Variants in NCOR1 observed in about 807,000 individuals in gnomAD.
The protein encoded by NCOR1 is nuclear receptor corepressor 1, also known as protein phosphatase 1, regulatory subunit 109.
Under a neutral mutation model 288.1 loss-of-function variants are expected in NCOR1, and 63 were observed. The ratio of observed to expected loss-of-function variants is 0.22; its 90% CI spans 0.18 to 0.27. The LOEUF (loss-of-function observed/expected upper bound fraction) is 0.27, where lower values mean the gene tolerates loss of function less well. Ranked by LOEUF, NCOR1 falls within the 10% of genes least tolerant of loss-of-function variation. The probability of loss-of-function intolerance (pLI) is 1.00; values close to 1 mark genes in which losing one functional copy is unlikely to be tolerated. For missense variants in NCOR1, 2,397 were observed against 3,019.2 expected, an observed-to-expected ratio of 0.79 and a Z score of 4.83; for synonymous variants, 1,007 against 1,065.9, an observed-to-expected ratio of 0.94 and a Z score of 1.08.
chr17:16,176,552 A>G (rs1487900001), intron 3 of NCOR1, among the ~76,000 whole-genome samples: 1 of 150,568 alleles, frequency 6.6e-6, no homozygotes, highest in African/African-American at 2.5e-5. Context: ...TGCAGGTGTG[A>G]GCCACCACGC....
chr17:16,131,694 CA>C (rs1393546099), intron 14 of NCOR1, among the ~76,000 whole-genome samples: 1 of 152,148 alleles, frequency 6.6e-6, no homozygotes, highest in African/African-American at 2.4e-5. Context: ...CCTATCTTAT[CA>C]AAATTTATTA....
At chr17:16,143,846 T>A (rs1278582905) in intron 10 of NCOR1, 150 bp from the exon 11 acceptor site, 1 of 537,870 alleles carries the variant, frequency 1.9e-6, no homozygotes, top group Non-Finnish European at 3.3e-6. Context: ...TACTTTTAAG[T>A]AATATGCTGT....
intron 41 of NCOR1, among the ~76,000 whole-genome samples, chr17:16,048,460 T>C (rs1334217141): frequency 2.0e-5 from 3 of 152,054 alleles, no homozygotes; most frequent in East Asian, 1.9e-4. Context: ...ATTAATAGGG[T>C]TGGGGTCACG....
chr17:16,164,134 G>A (rs1324503267), intron 5 of NCOR1, among the ~76,000 whole-genome samples: 8 of 151,904 alleles, frequency 5.3e-5, no homozygotes, highest in African/African-American at 1.7e-4. Context: ...CCAGCTACTC[G>A]GGAGGCTGTT....
At chr17:16,038,156 A>C (rs1177632807) in intron 44 of NCOR1, among the ~76,000 whole-genome samples, 2 of 151,922 alleles carry the variant, frequency 1.3e-5, no homozygotes. Context: ...CAGGAAAATA[A>C]ATCTAAACTA....
At chr17:16,083,494 A>G (rs1277091697) in intron 23 of NCOR1, among the ~76,000 whole-genome samples, 1 of 152,092 alleles carries the variant, frequency 6.6e-6, no homozygotes, top group African/African-American at 2.4e-5. Context: ...AGATTAGAAG[A>G]TTCGATGTAA....
chr17:16,101,947 C>T (rs888592668), intron 19 of NCOR1, 190 bp from the exon 20 acceptor site: 56 of 689,898 alleles, frequency 8.1e-5, no homozygotes, highest in Non-Finnish European at 1.0e-4. Flanking sequence ...ATTGAGAAGG[C>T]TAAAGTTTCC....
chr17:16,096,034 C>A lies in NCOR1; in HGVS notation c.2820+2333G>T, dbSNP rs567192253. Among the ~76,000 whole-genome samples the A allele has an allele frequency of 2.7e-3, 415 of 152,174 alleles. 2 individuals are homozygous for A. The highest frequency in any genetic ancestry group is 9.5e-3 in the African/African-American group (393 of 41,514). Reference sequence around the variant, plus strand: ...GTTGATCTATGACCTTACCCCCAACCCTGTGCTCTCTGAAACATGTGCTGT... The same window carrying A: ...GTTGATCTATGACCTTACCCCCAACACTGTGCTCTCTGAAACATGTGCTGT... On this transcript the variant is annotated intron_variant, in intron 21 of 45. Transcript: ENST00000268712.
At chr17:16,093,892 C>A (rs553048609) in intron 21 of NCOR1, among the ~76,000 whole-genome samples, 19 of 151,992 alleles carry the variant, frequency 1.3e-4, no homozygotes, top group Non-Finnish European at 2.2e-4. Flanking sequence ...TTCATTTTAA[C>A]CTTTACGATA....
chr17:16,173,508 T>G lies in NCOR1; in HGVS notation c.243-1513A>C, dbSNP rs562739063. On this transcript the variant is annotated intron_variant, in intron 3 of 45. Coordinates refer to ENST00000268712, the MANE Select transcript of NCOR1 (RefSeq NM_006311.4). The stretch of plus-strand genomic sequence containing the variant: ...ATTCCATATGTGGCACCCTAAAGAA[T>G]TGGCAAAAAAAAAACTATTAGAGCT... Among the ~76,000 whole-genome samples the G allele has an allele frequency of 4.0e-5, 6 of 151,668 alleles. No homozygotes were observed. The South Asian group carries it at 1.0e-3, about 26-fold the overall frequency.
intron 14 of NCOR1, among the ~76,000 whole-genome samples, chr17:16,130,988 AT>A (rs773227977): frequency 0.033 from 4,062 of 121,746 alleles, 57 homozygotes; most frequent in East Asian, 0.085. Flanking sequence ...CGCACCTGGA[AT>A]TTTTTTTTTT....
At chr17:16,120,020 T>G (rs2072655663) in intron 16 of NCOR1, among the ~76,000 whole-genome samples, 1 of 152,160 alleles carries the variant, frequency 6.6e-6, no homozygotes, top group Non-Finnish European at 1.5e-5. Flanking sequence ...CCTGAGAACA[T>G]CAGGCCTGAT....
intron 22 of NCOR1, among the ~76,000 whole-genome samples, chr17:16,091,294 G>A (rs2065140658): frequency 6.6e-6 from 1 of 152,174 alleles, no homozygotes; most frequent in African/African-American, 2.4e-5. Context: ...AATACCGAAT[G>A]CTCCTTCCTT....
rs150048273 is a variant in NCOR1, at chr17:16,130,741, C to T, written c.1510-4535G>A. 2.4e-4 allele frequency among the ~76,000 whole-genome samples: 37 copies of T among 151,330 alleles called. 1 individual carries two copies. The South Asian group carries it at 2.7e-3, about 11-fold the overall frequency. ...CTATGTCACCCAGGCTGGAGTACAG[C>T]GGCGCAATCTTGGCTCACTGCAACC... On this transcript the variant is annotated intron_variant, in intron 14 of 45. Transcript: ENST00000268712.
At chr17:16,127,654 TA>T (rs1489489645) in intron 14 of NCOR1, among the ~76,000 whole-genome samples, 3 of 147,736 alleles carry the variant, frequency 2.0e-5, no homozygotes, top group Non-Finnish European at 4.5e-5. Flanking sequence ...TGTATGTGTA[TA>T]TATACATATA....
At chr17:16,041,658 A>G (rs1202380897) in intron 42 of NCOR1, among the ~76,000 whole-genome samples, 1 of 151,816 alleles carries the variant, frequency 6.6e-6, no homozygotes. Context: ...CAGGTGATCT[A>G]CCCACCTCAG....
chr17:16,179,571 C>T (rs909646552), intron 3 of NCOR1, among the ~76,000 whole-genome samples: 2 of 152,156 alleles, frequency 1.3e-5, no homozygotes, highest in Non-Finnish European at 2.9e-5. Context: ...TCCTCCTAAA[C>T]TCTTCCAAAA....
At chr17:16,118,879 G>A (rs2072356504) in intron 17 of NCOR1, among the ~76,000 whole-genome samples, 1 of 152,150 alleles carries the variant, frequency 6.6e-6, no homozygotes, top group Admixed American at 6.5e-5. Context: ...AGAGTAAGAG[G>A]AAGGCCACAA....
At chr17:16,181,784 A>G (rs1875548030) in intron 3 of NCOR1, among the ~76,000 whole-genome samples, 1 of 152,226 alleles carries the variant, frequency 6.6e-6, no homozygotes, top group African/African-American at 2.4e-5. Context: ...TATGGTCAGT[A>G]CCAACTAGCC....
Sources: gnomAD v4.1 joint callset for allele counts (sites outside exome capture counted in the v4.1 genomes callset) on GRCh38, gnomAD v4.1.1 for gene constraint, MANE v1.5 for transcripts, NCBI Gene and HGNC (gene_info 2026-07-23, HGNC 2026-07-21) for gene names.